The following WDR41 variants were observed in gnomAD, a reference collection of about 807,000 sequenced individuals.
The protein encoded by WDR41 is WD repeat domain 41.
In WDR41, 63 loss-of-function variants were observed where a neutral mutation model predicts 69.3. That is an observed-to-expected ratio of 0.91 (90% CI 0.74 to 1.12). WDR41 has a LOEUF of 1.12. Ranked by LOEUF, WDR41 falls within the 50% of genes most tolerant of loss-of-function variation. The pLI is 0.00. For synonymous variants in WDR41, 185 were observed against 192.1 expected (o/e 0.96, Z 0.31); for missense variants, 543 against 534.5 (o/e 1.02, Z -0.16).
At chr5:77,441,131 G>A in intron 8 of WDR41, 134 bp from the exon 9 acceptor site, 2 of 838,596 alleles carry the variant, frequency 2.4e-6, no homozygotes, top group Non-Finnish European at 3.4e-6. Context: ...CAAGCCAACA[G>A]AAAGATTAAT....
chr5:77,475,149 C>G (rs943290047), intron 2 of WDR41, among the ~76,000 whole-genome samples: 2 of 152,212 alleles, frequency 1.3e-5, no homozygotes, highest in Non-Finnish European at 2.9e-5. Context: ...TATCCTGCAC[C>G]TCACTTGGAG....
In WDR41 at chr5:77,453,832, G is replaced by A. The variant is rs1027907483; in HGVS notation, c.508C>T (p.His170Tyr). 10 of 1,613,498 alleles carry A rather than the reference G, an allele frequency of 6.2e-6. No individual in the cohort carries two copies. Among genetic ancestry groups the A allele is most frequent in the Admixed American group, 5.0e-5 (3 of 59,970 alleles). The change falls in exon 6 of 13, where the codon CAC (histidine) becomes TAC (tyrosine). Residue 170 changes from histidine (H) to tyrosine (Y), a missense_variant. By Grantham distance (83) the His-to-Tyr change is moderately conservative. Coordinates refer to ENST00000296679, the MANE Select transcript of WDR41 (RefSeq NM_018268.4). Reference protein sequence around the residue: ...RKLDLLCKTSHLSDTGISALV... With the variant: ...RKLDLLCKTSYLSDTGISALV... ...TGTTTTTTACCTGTATCAGAAAGGT[G>A]GCTAGTCTTACACAGGAGATCTAAT...
chr5:77,607,907 C>T (rs1214627092), intron 1 of WDR41, among the ~76,000 whole-genome samples: 1 of 152,196 alleles, frequency 6.6e-6, no homozygotes, highest in Non-Finnish European at 1.5e-5. Flanking sequence ...GTACTCCAAT[C>T]AGGCTTTTGC....
chr5:77,590,962 A>G (rs996990512), intron 1 of WDR41, among the ~76,000 whole-genome samples: 2 of 152,174 alleles, frequency 1.3e-5, no homozygotes, highest in Non-Finnish European at 2.9e-5. Flanking sequence ...GTTTGGAAAT[A>G]TTACTTTCAA....
At chr5:77,478,968 T>C (rs1801096908) in intron 2 of WDR41, among the ~76,000 whole-genome samples, 1 of 151,730 alleles carries the variant, frequency 6.6e-6, no homozygotes, top group Admixed American at 6.6e-5. Context: ...GATAAGCAAC[T>C]TCAGCAAAGT....
intron 1 of WDR41, among the ~76,000 whole-genome samples, chr5:77,528,839 T>C (rs1046200546): frequency 6.6e-6 from 1 of 151,616 alleles, no homozygotes; most frequent in African/African-American, 2.4e-5. Flanking sequence ...CTCATCATTA[T>C]TTTTTTAAAA....
chr5:77,519,741 A>T (rs955388377), intron 1 of WDR41, among the ~76,000 whole-genome samples: 1 of 151,742 alleles, frequency 6.6e-6, no homozygotes, highest in African/African-American at 2.4e-5. Flanking sequence ...AGTCCATTTT[A>T]AAATTATTTC....
chr5:77,563,254 C>T (rs1743557452), intron 1 of WDR41, among the ~76,000 whole-genome samples: 1 of 152,112 alleles, frequency 6.6e-6, no homozygotes, highest in Non-Finnish European at 1.5e-5. Context: ...ATACAGGTTA[C>T]GATGGTCCCT....
At chr5:77,583,766 A>G (rs1301506816) in intron 1 of WDR41, among the ~76,000 whole-genome samples, 4 of 152,154 alleles carry the variant, frequency 2.6e-5, no homozygotes, top group African/African-American at 9.7e-5. Flanking sequence ...TTTATGAGGC[A>G]AGTATTACTC....
chr5:77,506,281 GA>G (rs1235776439), intron 1 of WDR41, among the ~76,000 whole-genome samples: 1 of 152,152 alleles, frequency 6.6e-6, no homozygotes, highest in Non-Finnish European at 1.5e-5. Context: ...AAAGACACAT[GA>G]AAAAATGCTC....
intron 1 of WDR41, among the ~76,000 whole-genome samples, chr5:77,498,867 C>G (rs1375826214): frequency 2.0e-5 from 3 of 150,586 alleles, no homozygotes; most frequent in African/African-American, 7.3e-5. Context: ...ACCATTGTGA[C>G]TTTTTAAAGA....
intron 1 of WDR41, among the ~76,000 whole-genome samples, chr5:77,554,299 T>C (rs1031296904): frequency 3.3e-5 from 5 of 152,170 alleles, no homozygotes; most frequent in Non-Finnish European, 7.3e-5. Flanking sequence ...GGGAAGTAGT[T>C]GTTCTGGTCT....
chr5:77,492,184 G>A lies in WDR41; in HGVS notation c.37C>T (p.Gln13Ter). The change falls in exon 1 of 13, where the codon CAG becomes TAG. Residue 13 changes from glutamine (Q) to a stop codon, truncating the protein, a stop_gained. Coordinates refer to ENST00000296679, the MANE Select transcript of WDR41 (RefSeq NM_018268.4). LOFTEE classifies it high-confidence loss of function. ...CCGGGGTTTACCTCGGCCAGTCCCT[G>A]CGGTTCTCGGCCTCCCCCGATCAGC... ...RWLIGGGREP[Q>*]GLAEKSPLQT... The A allele has an allele frequency of 1.2e-6, 2 of 1,612,416 alleles. No homozygotes were observed. Among genetic ancestry groups the A allele is most frequent in the South Asian group, 2.2e-5 (2 of 90,674 alleles).
At chr5:77,535,360 C>A (rs562038622) in intron 1 of WDR41, among the ~76,000 whole-genome samples, 1 of 152,236 alleles carries the variant, frequency 6.6e-6, no homozygotes, top group South Asian at 2.1e-4. Flanking sequence ...CTCATAAACA[C>A]CGAGGTTTAG....
At chr5:77,548,442 AC>A (rs564908230) in intron 1 of WDR41, among the ~76,000 whole-genome samples, 164 of 152,354 alleles carry the variant, frequency 1.1e-3, no homozygotes, top group Non-Finnish European at 2.1e-3. Context: ...TAAGAAAAAA[AC>A]AATCTCATCA....
chr5:77,442,238 T>C (rs73139089), intron 8 of WDR41, among the ~76,000 whole-genome samples: 1,938 of 152,312 alleles, frequency 0.013, 36 homozygotes, highest in African/African-American at 0.044. Context: ...TACATACATA[T>C]ATGTACAAAT....
At chr5:77,453,334 CAAA>C (rs746431928) in intron 6 of WDR41, among the ~76,000 whole-genome samples, 8 of 152,068 alleles carry the variant, frequency 5.3e-5, no homozygotes, top group Non-Finnish European at 1.5e-5. Context: ...TCCTTGGTAT[CAAA>C]AAGTCAAAAC....
chr5:77,574,019 T>A (rs1200584874), intron 1 of WDR41, among the ~76,000 whole-genome samples: 7 of 152,142 alleles, frequency 4.6e-5, no homozygotes, highest in African/African-American at 1.7e-4. Flanking sequence ...AATTCCTGGC[T>A]GGGTGCAATG....
In WDR41 at chr5:77,451,308, G is replaced by T; in HGVS notation, c.569C>A (p.Ala190Glu). 6.2e-7 allele frequency: 1 copy of T among 1,613,642 alleles called. No homozygotes were observed. Among genetic ancestry groups the T allele is most frequent in the Non-Finnish European group, 8.5e-7 (1 of 1,179,708 alleles). ...ATACTCACTCAGTTCTTTGCCAACT[G>T]CTGCCACAACACAGTTCTTAGGTAT... ...VEIPKNCVVA[A>E]VGKELIIFRL... The change falls in exon 7 of 13, where the codon GCA becomes GAA. Residue 190 changes from alanine to glutamate, a missense_variant. Transcript: ENST00000296679.
Sources: gnomAD v4.1 joint callset for allele counts (sites outside exome capture counted in the v4.1 genomes callset) on GRCh38, gnomAD v4.1.1 for gene constraint, MANE v1.5 for transcripts, NCBI Gene and HGNC (gene_info 2026-07-23, HGNC 2026-07-21) for gene names.